The following ATP2C2 variants were observed in gnomAD, a reference collection of about 807,000 sequenced individuals.
ATP2C2 encodes the protein ATPase secretory pathway Ca2+ transporting 2.
In ATP2C2, 171 loss-of-function variants were observed where a neutral mutation model predicts 110.8. The ratio of observed to expected loss-of-function variants is 1.54; its 90% confidence interval spans 1.36 to 1.75. ATP2C2 has a LOEUF of 1.75. Among genes scored for constraint, ATP2C2 ranks in the 40% most tolerant of loss-of-function variants. The pLI, the probability that ATP2C2 is intolerant of heterozygous loss-of-function variation, is 0.00. For synonymous variants in ATP2C2, 804 were observed against 508.4 expected, an observed-to-expected ratio of 1.58 and a Z score of -7.82; for missense variants, 1,963 against 1,235.0, an observed-to-expected ratio of 1.59 and a Z score of -8.84.
intron 2 of ATP2C2, 59 bp from the exon 3 acceptor site, chr16:84,405,069 C>G (rs62640934): frequency 2.9e-4 from 409 of 1,397,720 alleles, no homozygotes; most frequent in Admixed American, 7.4e-4. Context: ...AGTCTGTACC[C>G]TGTTGCCTCA....
intron 11 of ATP2C2, among the ~76,000 whole-genome samples, chr16:84,433,826 C>A (rs1385552767): frequency 6.6e-6 from 1 of 152,110 alleles, no homozygotes; most frequent in African/African-American, 2.4e-5. Context: ...GTGCTCAAGC[C>A]CCAAATACCC....
At chr16:84,458,514 A>AC (rs1910911409) in intron 21 of ATP2C2, among the ~76,000 whole-genome samples, 1 of 4,240 alleles carries the variant, frequency 2.4e-4, no homozygotes, top group East Asian at 0.01. Flanking sequence ...AAAAATTTAA[A>AC]TAAAAAAAAA....
At chr16:84,404,865 C>G (rs775350873) in intron 2 of ATP2C2, 2 of 478,818 alleles carry the variant, frequency 4.2e-6, no homozygotes. Flanking sequence ...TTCTGGAAGT[C>G]TATGCTGCAT....
chr16:84,377,705 G>A (rs188261834), intron 1 of ATP2C2, among the ~76,000 whole-genome samples: 2 of 152,210 alleles, frequency 1.3e-5, no homozygotes, highest in African/African-American at 2.4e-5. Context: ...TATGGGGTGT[G>A]GGGTTTAGGG....
At chr16:84,390,406 T>C (rs761148613) in intron 1 of ATP2C2, among the ~76,000 whole-genome samples, 60 of 152,216 alleles carry the variant, frequency 3.9e-4, no homozygotes, top group Non-Finnish European at 8.1e-4. Context: ...TGAGCTGCGC[T>C]TGTTGGGTGC....
At chr16:84,421,620 C>A (rs1340222763) in intron 7 of ATP2C2, among the ~76,000 whole-genome samples, 1 of 152,232 alleles carries the variant, frequency 6.6e-6, no homozygotes, top group African/African-American at 2.4e-5. Context: ...GGAGCCTCAC[C>A]TCGGGAGTGA....
intron 1 of ATP2C2, among the ~76,000 whole-genome samples, chr16:84,386,961 T>C (rs1904347580): frequency 6.6e-6 from 1 of 152,188 alleles, no homozygotes; most frequent in Admixed American, 6.5e-5. Flanking sequence ...AGGCAGGCCC[T>C]TCTGAGTTCT....
At chr16:84,379,585 G>C (rs1910456933) in intron 1 of ATP2C2, among the ~76,000 whole-genome samples, 1 of 152,226 alleles carries the variant, frequency 6.6e-6, no homozygotes, top group Non-Finnish European at 1.5e-5. Context: ...TACAGAATCA[G>C]AAACTCTGGG....
chr16:84,459,230 C>A (rs1911001850), intron 22 of ATP2C2, 40 bp from the exon 23 acceptor site: 1 of 1,614,136 alleles, frequency 6.2e-7, no homozygotes, highest in Non-Finnish European at 8.5e-7. Context: ...AAGCACCACG[C>A]CTGGCGGGCG....
At chr16:84,411,189 G>C (rs1313216651) in intron 6 of ATP2C2, among the ~76,000 whole-genome samples, 1 of 152,158 alleles carries the variant, frequency 6.6e-6, no homozygotes, top group Non-Finnish European at 1.5e-5. Flanking sequence ...CAGAACATTG[G>C]CTGCAGCATA....
chr16:84,405,361 C>T lies in ATP2C2; in HGVS notation c.327+117C>T, dbSNP rs182736147. On this transcript the variant is annotated intron_variant, in intron 3 of 26. Coordinates refer to ENST00000262429, the MANE Select transcript of ATP2C2 (RefSeq NM_014861.4). ...CCTTGGACAGCTCCCGCCCCTTTCA[C>T]GCTGCCCCAGCCAGCCTGAGCATCA... 853 of 851,986 alleles carry T rather than the reference C, an allele frequency of 1.0e-3. 2 individuals carry two copies. The highest frequency in any genetic ancestry group is 2.6e-3 in the South Asian group (154 of 59,912). 52.8% of individuals were successfully genotyped at this position (851,986 alleles called of 1,614,324 possible). A position where few individuals can be genotyped will look rare whatever the true frequency, so the allele number is the denominator to read the frequency against.
At chr16:84,425,710 A>G (rs775733238) in intron 10 of ATP2C2, 25 bp from the exon 11 acceptor site, 14 of 1,611,376 alleles carry the variant, frequency 8.7e-6, no homozygotes, top group Middle Eastern at 3.3e-4. Flanking sequence ...ATATGGAGAT[A>G]AGGATGTTTT....
At chr16:84,370,274 C>T (rs1047459575) in intron 1 of ATP2C2, among the ~76,000 whole-genome samples, 3 of 152,186 alleles carry the variant, frequency 2.0e-5, no homozygotes, top group Non-Finnish European at 4.4e-5. Flanking sequence ...TCAGTGTGCT[C>T]TCCCACCTGG....
intron 7 of ATP2C2, among the ~76,000 whole-genome samples, chr16:84,420,253 A>G (rs1399399473): frequency 1.3e-5 from 2 of 152,062 alleles, no homozygotes; most frequent in East Asian, 3.9e-4. Flanking sequence ...CATCTTCCTG[A>G]GGCAGAAATT....
chr16:84,399,241 A>G (rs1448542376), intron 2 of ATP2C2, among the ~76,000 whole-genome samples: 1 of 152,226 alleles, frequency 6.6e-6, no homozygotes, highest in Non-Finnish European at 1.5e-5. Context: ...CTACAATTTC[A>G]GGAAGTTGGA....
intron 11 of ATP2C2, among the ~76,000 whole-genome samples, chr16:84,432,394 C>A (rs1478677126): frequency 2.0e-5 from 3 of 152,170 alleles, no homozygotes; most frequent in South Asian, 2.1e-4. Context: ...GTTTTAAGCC[C>A]CACATGCATT....
chr16:84,446,033 C>G (rs1909717424), intron 15 of ATP2C2, among the ~76,000 whole-genome samples: 1 of 152,202 alleles, frequency 6.6e-6, no homozygotes, highest in African/African-American at 2.4e-5. Flanking sequence ...ATTGCTACAC[C>G]TTCAAGTCTG....
At chr16:84,399,185 A>G (rs568049259) in intron 2 of ATP2C2, among the ~76,000 whole-genome samples, 2 of 152,372 alleles carry the variant, frequency 1.3e-5, no homozygotes, top group South Asian at 2.1e-4. Flanking sequence ...CAGAACCACT[A>G]CATTTTGGGA....
At chr16:84,441,170 T>C (rs756057466) in intron 14 of ATP2C2, among the ~76,000 whole-genome samples, 2 of 152,196 alleles carry the variant, frequency 1.3e-5, no homozygotes, top group Non-Finnish European at 2.9e-5. Context: ...CAGTGGCTAA[T>C]GCCCGTTATC....
Sources: gnomAD v4.1 joint callset for allele counts (sites outside exome capture counted in the v4.1 genomes callset) on GRCh38, gnomAD v4.1.1 for gene constraint, MANE v1.5 for transcripts, NCBI Gene and HGNC (gene_info 2026-07-23, HGNC 2026-07-21) for gene names.